Variants in CLYBL observed in about 807,000 individuals in gnomAD.
CLYBL encodes citramalyl-CoA lyase, mitochondrial.
A neutral mutation model predicts 38.9 loss-of-function variants in CLYBL; 31 were observed. That is an observed-to-expected ratio of 0.80 (90% confidence interval 0.60 to 1.08). CLYBL has a LOEUF of 1.08. CLYBL is among the 50% of genes least tolerant of loss of function. CLYBL has a pLI of 0.00. For synonymous variants in CLYBL, 171 were observed against 158.6 expected, an observed-to-expected ratio of 1.08 and a Z score of -0.59; for missense variants, 434 against 411.6, an observed-to-expected ratio of 1.05 and a Z score of -0.47.
At chr13:99,826,176 G>A (rs1340832103) in intron 2 of CLYBL, among the ~76,000 whole-genome samples, 5 of 152,204 alleles carry the variant, frequency 3.3e-5, no homozygotes, top group African/African-American at 1.2e-4. Context: ...TTAAAAGGAA[G>A]GTATTTTGTG....
At chr13:99,829,430 C>T (rs1412091965) in intron 2 of CLYBL, among the ~76,000 whole-genome samples, 2 of 152,210 alleles carry the variant, frequency 1.3e-5, no homozygotes, top group African/African-American at 4.8e-5. Flanking sequence ...CTGTGTCAAC[C>T]AGAAAATGCC....
At chr13:99,819,454 ATAT>A (rs2050538872) in intron 2 of CLYBL, among the ~76,000 whole-genome samples, 1 of 69,248 alleles carries the variant, frequency 1.4e-5, no homozygotes, top group African/African-American at 6.7e-5. Flanking sequence ...ATATATATAT[ATAT>A]ATATATATAT....
At chr13:99,807,047 C>G (rs2050245393) in intron 2 of CLYBL, among the ~76,000 whole-genome samples, 1 of 152,168 alleles carries the variant, frequency 6.6e-6, no homozygotes, top group Non-Finnish European at 1.5e-5. Context: ...AGCTGGTGTT[C>G]ACACAAGATT....
intron 1 of CLYBL, among the ~76,000 whole-genome samples, chr13:99,739,431 T>C (rs1212612299): frequency 6.6e-6 from 1 of 151,928 alleles, no homozygotes; most frequent in Non-Finnish European, 1.5e-5. Flanking sequence ...AGGACCACAC[T>C]GGCCAGGGTG....
intron 1 of CLYBL, among the ~76,000 whole-genome samples, chr13:99,750,816 A>G (rs1174748327): frequency 6.8e-6 from 1 of 147,580 alleles, no homozygotes; most frequent in African/African-American, 2.4e-5. Flanking sequence ...TCCAAAGGAT[A>G]TATAAAAGAT....
intron 1 of CLYBL, among the ~76,000 whole-genome samples, chr13:99,697,729 C>T (rs980242985): frequency 5.3e-5 from 8 of 151,064 alleles, no homozygotes; most frequent in African/African-American, 2.4e-5. Flanking sequence ...TCACTGCAAC[C>T]TCCGCCTCCT....
intron 1 of CLYBL, among the ~76,000 whole-genome samples, chr13:99,700,132 G>A (rs1485029472): frequency 6.6e-6 from 1 of 152,006 alleles, no homozygotes; most frequent in Non-Finnish European, 1.5e-5. Context: ...CACTGGAAGG[G>A]CAACAACAAA....
rs533203676 is a variant in CLYBL at position 99,759,046 on chromosome 13, A to G, written c.63-13778A>G. On this transcript the variant is annotated intron_variant, in intron 1 of 8. Transcript: ENST00000339105. ...TCTACACTGTGCTGCAGCAGGAGCT[A>G]GAGTTGCCTTTCTGCTCTTCCATTT... Among the ~76,000 whole-genome samples the G allele has an allele frequency of 5.3e-5, 8 of 152,326 alleles. No individual in the cohort carries two copies. The East Asian group carries it at 1.5e-3, about 29-fold the overall frequency.
intron 1 of CLYBL, among the ~76,000 whole-genome samples, chr13:99,703,227 G>A (rs1442452337): frequency 6.6e-6 from 1 of 152,234 alleles, no homozygotes; most frequent in Admixed American, 6.5e-5. Flanking sequence ...GGCCAAAGCA[G>A]GCGATCAGTT....
intron 2 of CLYBL, among the ~76,000 whole-genome samples, chr13:99,783,358 T>A (rs751966615): frequency 6.6e-6 from 1 of 152,096 alleles, no homozygotes; most frequent in Non-Finnish European, 1.5e-5. Flanking sequence ...TCTGAGTTTT[T>A]TATTTTAATT....
chr13:99,632,557 C>A (rs2046960443), intron 1 of CLYBL, among the ~76,000 whole-genome samples: 7 of 152,158 alleles, frequency 4.6e-5, no homozygotes, highest in Admixed American at 4.6e-4. Flanking sequence ...GCCTGGCCAA[C>A]ATAGTGAAAC....
intron 2 of CLYBL, among the ~76,000 whole-genome samples, chr13:99,824,840 G>T (rs181324674): frequency 6.6e-6 from 1 of 152,160 alleles, no homozygotes. Flanking sequence ...TGGCTCCGCC[G>T]GTGATGATCA....
At chr13:99,887,992 A>C (rs1227456159) in intron 7 of CLYBL, among the ~76,000 whole-genome samples, 1 of 152,054 alleles carries the variant, frequency 6.6e-6, no homozygotes, top group East Asian at 1.9e-4. Context: ...TGTAGCTGGG[A>C]TTACAGGCAC....
intron 2 of CLYBL, among the ~76,000 whole-genome samples, chr13:99,833,019 TATATATA>T (rs2050845591): frequency 2.7e-5 from 1 of 37,674 alleles, no homozygotes; most frequent in African/African-American, 1.0e-4. Flanking sequence ...TATATATATA[TATATATA>T]TATATTTTTT....
chr13:99,673,643 G>A (rs2047599979), intron 1 of CLYBL, among the ~76,000 whole-genome samples: 1 of 152,126 alleles, frequency 6.6e-6, no homozygotes, highest in African/African-American at 2.4e-5. Flanking sequence ...TGAAGTGAGA[G>A]GGGTCCACAG....
intron 8 of CLYBL, among the ~76,000 whole-genome samples, chr13:99,905,183 C>T (rs1334256208): frequency 3.9e-5 from 6 of 152,218 alleles, no homozygotes; most frequent in Non-Finnish European, 8.8e-5. Flanking sequence ...GCTAAAAGAC[C>T]TCTGGTTGGT....
downstream of CLYBL, chr13:99,896,725 G>C (rs1012423827): frequency 1.3e-5 from 2 of 152,220 alleles, no homozygotes; most frequent in Non-Finnish European, 2.9e-5. Context: ...GTAGCTTTTT[G>C]GTTATGAGTT....
chr13:99,669,608 G>A (rs931897370), intron 1 of CLYBL, among the ~76,000 whole-genome samples: 2 of 152,226 alleles, frequency 1.3e-5, no homozygotes, highest in Middle Eastern at 3.4e-3. Flanking sequence ...AGATTTCTTA[G>A]TTTACTGAGA....
chr13:99,632,937 C>G (rs2046966200), intron 1 of CLYBL, among the ~76,000 whole-genome samples: 1 of 152,044 alleles, frequency 6.6e-6, no homozygotes, highest in Non-Finnish European at 1.5e-5. Context: ...TAGGGAGTAT[C>G]AGCTTAGAAA....
Sources: gnomAD v4.1 joint callset for allele counts (sites outside exome capture counted in the v4.1 genomes callset) on GRCh38, gnomAD v4.1.1 for gene constraint, MANE v1.5 for transcripts, NCBI Gene and HGNC (gene_info 2026-07-23, HGNC 2026-07-21) for gene names.